DDX19B: variants seen among roughly 807,000 people sequenced by gnomAD.
DDX19B encodes ATP-dependent RNA helicase DDX19B.
Under a neutral mutation model 58.1 loss-of-function variants are expected in DDX19B, and 27 were observed. That is an observed-to-expected ratio of 0.46 (90% CI 0.34 to 0.64). The LOEUF (loss-of-function observed/expected upper bound fraction) is 0.64. Ranked by LOEUF, DDX19B falls within the 30% of genes least tolerant of loss-of-function variation. DDX19B has a pLI of 0.01. For synonymous variants in DDX19B, 187 were observed against 214.4 expected, an observed-to-expected ratio of 0.87 and a Z score of 1.12; for missense variants, 399 against 596.5, an observed-to-expected ratio of 0.67 and a Z score of 3.45.
chr16:70,325,272 A>G (rs2062401293), intron 6 of DDX19B, among the ~76,000 whole-genome samples: 1 of 152,184 alleles, frequency 6.6e-6, no homozygotes, highest in Non-Finnish European at 1.5e-5. Context: ...AAGTTCTGAG[A>G]GCTTTCTGAG....
At chr16:70,324,797 A>G in intron 6 of DDX19B, 110 bp downstream of exon 6, 1 of 1,047,090 alleles carries the variant, frequency 9.6e-7, no homozygotes. Context: ...CATGCCTGTA[A>G]TCCCAGCACT....
chr16:70,299,230 G>C lies in DDX19B; in HGVS notation c.-68G>C. ...GGAGCAGAGCCTGCCGCGAACCCCC[G>C]GAGCCCACGATCCCTCGTGCCATCC... is the stretch of plus-strand genomic sequence containing the variant. On this transcript the variant is annotated 5_prime_UTR_variant, in exon 1 of 12. Coordinates refer to ENST00000288071, the MANE Select transcript of DDX19B (RefSeq NM_007242.7). 6.8e-7 allele frequency: 1 copy of C among 1,467,716 alleles called. No homozygotes were observed. The highest frequency in any genetic ancestry group is 2.6e-5 in the East Asian group (1 of 38,718). 90.9% of individuals were successfully genotyped at this position (1,467,716 alleles called of 1,614,324 possible). A position where few individuals can be genotyped will look rare whatever the true frequency, so the allele number is the denominator to read the frequency against.
chr16:70,310,956 G>C (rs1046098828), intron 1 of DDX19B, among the ~76,000 whole-genome samples: 2 of 151,544 alleles, frequency 1.3e-5, no homozygotes, highest in African/African-American at 4.9e-5. Flanking sequence ...GCATGAACCC[G>C]GGAGGCGGAG....
At chr16:70,323,261 C>T (rs1054605740) in intron 5 of DDX19B, among the ~76,000 whole-genome samples, 7 of 151,960 alleles carry the variant, frequency 4.6e-5, no homozygotes, top group Non-Finnish European at 2.9e-5. Flanking sequence ...TATGTACCAC[C>T]ATGTCCAGCT....
chr16:70,317,610 C>T (rs752416101), intron 5 of DDX19B, 22 bp downstream of exon 5: 5 of 1,581,668 alleles, frequency 3.2e-6, no homozygotes, highest in Non-Finnish European at 4.3e-6. Flanking sequence ...ATTACAACTC[C>T]ATTTCATTTT....
chr16:70,308,624 G>A (rs756291434), intron 1 of DDX19B, among the ~76,000 whole-genome samples: 7 of 151,634 alleles, frequency 4.6e-5, no homozygotes, highest in Middle Eastern at 3.4e-3. Flanking sequence ...CTCCCTCCTC[G>A]GCCTCCAAAA....
intron 5 of DDX19B, among the ~76,000 whole-genome samples, chr16:70,322,302 G>A (rs1962877751): frequency 6.6e-6 from 1 of 152,038 alleles, no homozygotes; most frequent in Non-Finnish European, 1.5e-5. Context: ...AGAGTTACCG[G>A]TGTGGCGGCT....
chr16:70,291,966 A>C (rs936832268), upstream of DDX19B, among the ~76,000 whole-genome samples: 4 of 151,160 alleles, frequency 2.6e-5, no homozygotes, highest in African/African-American at 9.7e-5. Context: ...TAGGCAACAT[A>C]GTGAGACTCT....
At chr16:70,309,441 G>A (rs921566948) in intron 1 of DDX19B, among the ~76,000 whole-genome samples, 3 of 152,144 alleles carry the variant, frequency 2.0e-5, no homozygotes, top group Non-Finnish European at 4.4e-5. Flanking sequence ...CTTGCAGTGA[G>A]CCAAGATCAC....
At chr16:70,331,101 A>G (rs1963458283) in intron 9 of DDX19B, among the ~76,000 whole-genome samples, 4 of 152,196 alleles carry the variant, frequency 2.6e-5, no homozygotes, top group African/African-American at 7.2e-5. Flanking sequence ...TTTTGAGATA[A>G]GGTCTTGCTC....
intron 5 of DDX19B, among the ~76,000 whole-genome samples, chr16:70,318,358 A>G (rs955597789): frequency 6.6e-6 from 1 of 151,774 alleles, no homozygotes; most frequent in African/African-American, 2.4e-5. Flanking sequence ...TGGGCAACAG[A>G]GTGAGACTCC....
At position 70,331,789 on chromosome 16, in the gene DDX19B, G is replaced by A. The variant is rs143728363; in HGVS notation, c.1091G>A (p.Ser364Asn). Residue 364 changes from serine (S) to asparagine (N), a missense_variant, in exon 10 of 12, where the codon AGT becomes AAT. Coordinates refer to ENST00000288071, the MANE Select transcript of DDX19B (RefSeq NM_007242.7). ...SKEGHQVALL[S>N]GEMMVEQRAA... ...GAAGGCCACCAGGTGGCTCTGCTGAGTGGGGAGATGATGGTGGAACAGAGG... is the reference window on the plus strand; with the variant it reads ...GAAGGCCACCAGGTGGCTCTGCTGAATGGGGAGATGATGGTGGAACAGAGG... The A allele has an allele frequency of 1.5e-3, 2,367 of 1,614,112 alleles. 3 individuals are homozygous for A. Among genetic ancestry groups the A allele is most frequent in the Non-Finnish European group, 1.8e-3 (2,088 of 1,180,050 alleles).
At chr16:70,327,558 A>C (rs1963236979) in intron 7 of DDX19B, among the ~76,000 whole-genome samples, 1 of 135,776 alleles carries the variant, frequency 7.4e-6, no homozygotes, top group African/African-American at 2.5e-5. Flanking sequence ...AAAAAAAACA[A>C]ACAAATTTTT....
rs1237153462 is a variant in DDX19B, at chr16:70,315,829, A to G, written c.161-140A>G. ...TTCTTTAATAAAACTATTTTAATTT[A>G]TAAGTCAAAACTATGACGTACCTTG... On this transcript the variant is annotated intron_variant, in intron 3 of 11. Transcript: ENST00000288071. 1.7e-5 allele frequency: 20 copies of G among 1,180,764 alleles called. No individual in the cohort carries two copies. The Admixed American group carries it at 5.0e-4, about 30-fold the overall frequency. 73.1% of individuals were successfully genotyped at this position (1,180,764 alleles called of 1,614,324 possible). A position where few individuals can be genotyped will look rare whatever the true frequency, so the allele number is the denominator to read the frequency against.
At chr16:70,321,109 T>C (rs1962777927) in intron 5 of DDX19B, among the ~76,000 whole-genome samples, 2 of 151,682 alleles carry the variant, frequency 1.3e-5, no homozygotes, top group South Asian at 2.1e-4. Flanking sequence ...ATTACAGGCA[T>C]GTGCCACCAT....
chr16:70,292,682 G>A (rs558572954), upstream of DDX19B, among the ~76,000 whole-genome samples: 3 of 152,310 alleles, frequency 2.0e-5, no homozygotes, highest in South Asian at 2.1e-4. Context: ...GGGAGTGAGC[G>A]ATATGCACAT....
chr16:70,296,221 C>A (rs148144272), upstream of DDX19B, among the ~76,000 whole-genome samples: 1 of 152,042 alleles, frequency 6.6e-6, no homozygotes, highest in East Asian at 1.9e-4. Context: ...CCAGGCTGAT[C>A]TTGAACTCCT....
intron 1 of DDX19B, 76 bp from the exon 2 acceptor site, chr16:70,312,533 G>T: frequency 7.7e-7 from 1 of 1,303,426 alleles, no homozygotes. Context: ...AGCTTCATTA[G>T]GGAGGCTCTG....
chr16:70,316,730 G>A (rs1440815580), intron 4 of DDX19B, among the ~76,000 whole-genome samples: 2 of 152,170 alleles, frequency 1.3e-5, no homozygotes, highest in Non-Finnish European at 2.9e-5. Context: ...AGCTTTAGCT[G>A]TACTAACATG....
Sources: allele counts gnomAD v4.1 joint callset (sites outside exome capture counted in the v4.1 genomes callset), GRCh38; gene constraint gnomAD v4.1.1; transcripts MANE v1.5; gene names NCBI Gene and HGNC (gene_info 2026-07-23, HGNC 2026-07-21).